The following LRRC53 variants were observed in gnomAD, a reference collection of about 807,000 sequenced individuals.
LRRC53 encodes leucine rich repeat containing 53.
LRRC53 carries 25 observed loss-of-function variants against 13.6 expected under a neutral mutation model. That is an observed-to-expected ratio of 1.83 (90% CI 1.34 to 2.56). The LOEUF (loss-of-function observed/expected upper bound fraction) is 2.56. LRRC53 is among the 30% of genes most tolerant of loss of function. The probability of loss-of-function intolerance (pLI) is 0.00; values close to 1 mark genes in which losing one functional copy is unlikely to be tolerated. For synonymous variants in LRRC53, 204 were observed against 109.8 expected (o/e 1.86, Z -5.37); for missense variants, 527 against 275.8 (o/e 1.91, Z -6.45).
At chr1:74,506,749 A>C (rs1401606378) in intron 1 of LRRC53, among the ~76,000 whole-genome samples, 1 of 152,154 alleles carries the variant, frequency 6.6e-6, no homozygotes, top group African/African-American at 2.4e-5. Flanking sequence ...TTTTAGTTTT[A>C]GTGTACTGTA....
At chr1:74,485,252 A>G (rs527634517) in intron 1 of LRRC53, among the ~76,000 whole-genome samples, 1 of 152,338 alleles carries the variant, frequency 6.6e-6, no homozygotes, top group South Asian at 2.1e-4. Flanking sequence ...GAGTACAGTG[A>G]ATTTCCATGG....
At chr1:74,511,626 A>G (rs1022397359) in intron 1 of LRRC53, among the ~76,000 whole-genome samples, 1 of 152,090 alleles carries the variant, frequency 6.6e-6, no homozygotes, top group Admixed American at 6.5e-5. Flanking sequence ...TGGACACCCA[A>G]TGATGGATTA....
intron 1 of LRRC53, among the ~76,000 whole-genome samples, chr1:74,506,904 T>G (rs1669933323): frequency 6.6e-6 from 1 of 152,228 alleles, no homozygotes; most frequent in Admixed American, 6.5e-5. Flanking sequence ...TTATCTATCT[T>G]AATTCATTTA....
At chr1:74,479,733 G>A (rs140100397) in intron 3 of LRRC53, among the ~76,000 whole-genome samples, 1 of 152,314 alleles carries the variant, frequency 6.6e-6, no homozygotes, top group East Asian at 1.9e-4. Flanking sequence ...AGTGCCTTGA[G>A]GAAAGAGTCT....
chr1:74,486,387 G>A (rs954501663), intron 1 of LRRC53, among the ~76,000 whole-genome samples: 1 of 151,934 alleles, frequency 6.6e-6, no homozygotes, highest in Non-Finnish European at 1.5e-5. Flanking sequence ...TCTAATATAA[G>A]CTACTTGATC....
the LRRC53 span, among the ~76,000 whole-genome samples, chr1:74,536,972 C>A: frequency 6.6e-6 from 1 of 152,144 alleles, no homozygotes; most frequent in South Asian, 2.1e-4. Flanking sequence ...CAGCTAGTTC[C>A]ATTGATCAGG....
At chr1:74,492,641 C>G (rs1404750647) in intron 1 of LRRC53, among the ~76,000 whole-genome samples, 2 of 152,148 alleles carry the variant, frequency 1.3e-5, no homozygotes, top group Admixed American at 1.3e-4. Context: ...TAAGAATTAC[C>G]ATATGACCCA....
At chr1:74,535,284 A>G in the LRRC53 span, among the ~76,000 whole-genome samples, 1 of 152,086 alleles carries the variant, frequency 6.6e-6, no homozygotes, top group Non-Finnish European at 1.5e-5. Flanking sequence ...AGCCTGACCA[A>G]CATGATGAAG....
chr1:74,480,886 A>G lies in LRRC53; in HGVS notation c.171T>C (p.Phe57=), dbSNP rs1353556127. 1 of 717,480 alleles carries G rather than the reference A, an allele frequency of 1.4e-6. No homozygotes were observed. Among genetic ancestry groups the G allele is most frequent in the Non-Finnish European group, 2.6e-6 (1 of 385,106 alleles). 44.4% of individuals were successfully genotyped at this position (717,480 alleles called of 1,614,324 possible). A position where few individuals can be genotyped will look rare whatever the true frequency, so the allele number is the denominator to read the frequency against. ...TGCTTAGGGAGAGCAGGGCAAGATTAAACAAGAGAGACAGGTTTGTGCTCT... is the reference window on the plus strand; with the variant it reads ...TGCTTAGGGAGAGCAGGGCAAGATTGAACAAGAGAGACAGGTTTGTGCTCT... ...SIESTNLSLL[F]NLALLSLSRN... Residue 57 remains phenylalanine (F), a synonymous_variant, in exon 3 of 5, where the codon TTT becomes TTC. Transcript: ENST00000294635.
intron 1 of LRRC53, among the ~76,000 whole-genome samples, chr1:74,484,620 A>C (rs895510408): frequency 6.6e-6 from 1 of 152,190 alleles, no homozygotes; most frequent in Non-Finnish European, 1.5e-5. Flanking sequence ...AGGTGAAGGC[A>C]TTAGTGTGTC....
the LRRC53 span, among the ~76,000 whole-genome samples, chr1:74,524,695 T>C: frequency 0.041 from 6,145 of 151,390 alleles, 191 homozygotes; most frequent in East Asian, 0.082. Flanking sequence ...GAAAATAATC[T>C]CTTCCCTCGT....
the LRRC53 span, among the ~76,000 whole-genome samples, chr1:74,537,075 C>T: frequency 6.6e-6 from 1 of 152,268 alleles, no homozygotes; most frequent in East Asian, 1.9e-4. Context: ...TATGTGGTAT[C>T]TCTTGGGCAA....
intron 1 of LRRC53, among the ~76,000 whole-genome samples, chr1:74,503,425 A>G (rs1669735225): frequency 6.6e-6 from 1 of 152,258 alleles, no homozygotes; most frequent in South Asian, 2.1e-4. Context: ...TTATTGGAAC[A>G]TTATATTAGT....
At chr1:74,478,812 A>G (rs1413194981) in intron 3 of LRRC53, among the ~76,000 whole-genome samples, 4 of 152,220 alleles carry the variant, frequency 2.6e-5, no homozygotes, top group African/African-American at 9.6e-5. Context: ...TATTCTAAGA[A>G]GCACATTTAA....
In LRRC53 at chr1:74,491,992, A is replaced by G. The variant is rs374896951; in HGVS notation, c.-26-8617T>C. On this transcript the variant is annotated intron_variant, in intron 1 of 4. Coordinates refer to ENST00000294635, the MANE Select transcript of LRRC53 (RefSeq NM_001382280.1). ...GGAGCAAGCTGAGTGAATAGAAATT[A>G]AAATATGGGAAACCTTGGAATAGAA... The G allele has an allele frequency of 6.6e-6, 9 of 1,362,742 alleles. No individual in the cohort carries two copies. In the African/African-American group the frequency reaches 1.3e-4, roughly 20 times the overall value. 84.4% of individuals were successfully genotyped at this position (1,362,742 alleles called of 1,614,324 possible).
intron 1 of LRRC53, among the ~76,000 whole-genome samples, chr1:74,487,314 T>C (rs890729974): frequency 2.6e-4 from 39 of 152,242 alleles, no homozygotes; most frequent in Non-Finnish European, 2.9e-5. Flanking sequence ...GGGCAAATTA[T>C]GTAGGTCATA....
At chr1:74,536,924 G>A in the LRRC53 span, among the ~76,000 whole-genome samples, 2 of 152,142 alleles carry the variant, frequency 1.3e-5, no homozygotes, top group Non-Finnish European at 2.9e-5. Flanking sequence ...GGGCATCTGT[G>A]AAATGCTTGC....
At position 74,492,176 on chromosome 1, in the gene LRRC53, G is replaced by A. The variant is rs1486859057; in HGVS notation, c.-26-8801C>T. On this transcript the variant is annotated intron_variant, in intron 1 of 4. Transcript: ENST00000294635. ...TCTGATTGCCTGGTGAACCGGGGAGGACCTGGCCGGAGTCATGTGGCAGCA... is the reference window on the plus strand; with the variant it reads ...TCTGATTGCCTGGTGAACCGGGGAGAACCTGGCCGGAGTCATGTGGCAGCA... 3 of 1,613,124 alleles carry A rather than the reference G, an allele frequency of 1.9e-6. No homozygotes were observed. In the East Asian group the frequency reaches 6.7e-5, roughly 36 times the overall value.
At chr1:74,498,495 A>G (rs898895710) in intron 1 of LRRC53, among the ~76,000 whole-genome samples, 2 of 152,200 alleles carry the variant, frequency 1.3e-5, no homozygotes, top group Non-Finnish European at 2.9e-5. Context: ...TCAGGTGCCT[A>G]CAATATCTCA....
Sources: allele counts gnomAD v4.1 joint callset (sites outside exome capture counted in the v4.1 genomes callset), GRCh38; gene constraint gnomAD v4.1.1; transcripts MANE v1.5; gene names NCBI Gene and HGNC (gene_info 2026-07-23, HGNC 2026-07-21).